Variants in GFOD1 observed in about 807,000 individuals in gnomAD.
GFOD1 encodes glucose-fructose oxidoreductase domain-containing protein 1.
GFOD1 carries 9 observed loss-of-function variants against 25.4 expected under a neutral mutation model. The ratio of observed to expected loss-of-function variants is 0.35; its 90% CI spans 0.21 to 0.62. The LOEUF (loss-of-function observed/expected upper bound fraction) is 0.62. GFOD1 is among the 20% of genes least tolerant of loss of function. The pLI is 0.72. For missense variants in GFOD1, 403 were observed against 556.9 expected (o/e 0.72, Z 2.78); for synonymous variants, 253 against 245.6 (o/e 1.03, Z -0.28).
chr6:13,483,909 A>C (rs1360368053), intron 1 of GFOD1, among the ~76,000 whole-genome samples: 1 of 152,194 alleles, frequency 6.6e-6, no homozygotes, highest in Non-Finnish European at 1.5e-5. Flanking sequence ...TATTTTAGTC[A>C]TGAAATGAAA....
Position 13,365,656 on chromosome 6 carries a change from C to A in GFOD1, c.260G>T (p.Gly87Val). ...CGTGCGGTCGCAGATGACGTTCTTG[C>A]CGATGCCTGCGGGTGGGAGGAAGAC... ...RQIAVKTLGI[G>V]KNVICDRTAT... The change falls in exon 2 of 2, where the codon GGC becomes GTC. Residue 87 changes from glycine (G) to valine (V), a missense_variant. Transcript: ENST00000379287. The surrounding 1 kb of genome is among the most constrained non-coding windows in gnomAD (Gnocchi z 9.2). 6.3e-7 allele frequency: 1 copy of A among 1,592,556 alleles called. No individual in the cohort carries two copies. Among genetic ancestry groups the A allele is most frequent in the Non-Finnish European group, 8.5e-7 (1 of 1,174,674 alleles).
intron 1 of GFOD1, among the ~76,000 whole-genome samples, chr6:13,465,458 A>G (rs931775470): frequency 2.0e-5 from 3 of 152,228 alleles, no homozygotes; most frequent in Non-Finnish European, 4.4e-5. Flanking sequence ...CCAGACCTAC[A>G]GAATCAGAAT....
intron 1 of GFOD1, among the ~76,000 whole-genome samples, chr6:13,409,995 C>A (rs1226981368): frequency 2.4e-4 from 33 of 135,360 alleles, no homozygotes; most frequent in African/African-American, 8.4e-4. Context: ...TAAAATGATA[C>A]GGATTTTTAG....
intron 1 of GFOD1, among the ~76,000 whole-genome samples, chr6:13,459,342 A>T (rs1758249916): frequency 6.6e-6 from 1 of 151,444 alleles, no homozygotes; most frequent in South Asian, 2.1e-4. Context: ...CTTACACCTT[A>T]TACAAAAATT....
In GFOD1 at chr6:13,365,327, C is replaced by T. The variant is rs1785021121; in HGVS notation, c.589G>A (p.Gly197Arg). 6.2e-7 allele frequency: 1 copy of T among 1,614,086 alleles called. No individual in the cohort carries two copies. The highest frequency in any genetic ancestry group is 1.3e-5 in the African/African-American group (1 of 74,940). Reference protein sequence around the residue: ...LTGQKAVKVHGLLKTFVKQTD... With the variant: ...LTGQKAVKVHRLLKTFVKQTD... ...TGCTTCACGAAGGTCTTGAGCAGCC[C>T]GTGGACCTTGACGGCCTTTTGGCCG... The change falls in exon 2 of 2, where the codon GGG (glycine) becomes AGG (arginine). Residue 197 changes from glycine to arginine, a missense_variant. Physicochemically the swap from Gly to Arg is moderately radical, Grantham distance 125. Coordinates refer to ENST00000379287, the MANE Select transcript of GFOD1 (RefSeq NM_018988.4). This position sits in a 1 kb window ranked among gnomAD's most constrained non-coding sequence, Gnocchi z 9.2.
At chr6:13,475,787 G>A (rs938247322) in intron 1 of GFOD1, among the ~76,000 whole-genome samples, 3 of 150,750 alleles carry the variant, frequency 2.0e-5, no homozygotes, top group Admixed American at 2.0e-4. Context: ...AGCCAGGCAT[G>A]GTGGCGCACA....
At chr6:13,382,129 G>A (rs1239799022) in intron 1 of GFOD1, among the ~76,000 whole-genome samples, 1 of 152,078 alleles carries the variant, frequency 6.6e-6, no homozygotes, top group African/African-American at 2.4e-5. Context: ...GTTGAGCCAG[G>A]ATCCAAACCC....
chr6:13,458,211 C>G (rs12662911), intron 1 of GFOD1, among the ~76,000 whole-genome samples: 24,712 of 151,886 alleles, frequency 0.16, 2,173 homozygotes, highest in South Asian at 0.26. Context: ...TCTGCCTCCT[C>G]GGTTCAAGTG....
At chr6:13,486,185 T>C in intron 1 of GFOD1, 1 of 991,884 alleles carries the variant, frequency 1.0e-6, no homozygotes, top group Non-Finnish European at 1.2e-6. Context: ...TATTCAGGCG[T>C]TTCTGGGCGC....
At chr6:13,468,519 C>T (rs1758416979) in intron 1 of GFOD1, among the ~76,000 whole-genome samples, 1 of 152,186 alleles carries the variant, frequency 6.6e-6, no homozygotes, top group African/African-American at 2.4e-5. Context: ...AAGAAGTCAA[C>T]CGCCTCGTTT....
At chr6:13,398,412 T>C (rs1412351933) in intron 1 of GFOD1, among the ~76,000 whole-genome samples, 1 of 152,212 alleles carries the variant, frequency 6.6e-6, no homozygotes, top group East Asian at 1.9e-4. Context: ...TGATTGGTGG[T>C]GATTTGAGTG....
At chr6:13,434,855 G>C (rs1757809405) in intron 1 of GFOD1, among the ~76,000 whole-genome samples, 1 of 152,206 alleles carries the variant, frequency 6.6e-6, no homozygotes, top group African/African-American at 2.4e-5. Context: ...AACGTGGTTG[G>C]AAAAATCAGA....
chr6:13,392,328 A>G (rs1365863033), intron 1 of GFOD1, among the ~76,000 whole-genome samples: 1 of 149,294 alleles, frequency 6.7e-6, no homozygotes, highest in Non-Finnish European at 1.5e-5. Context: ...TGGGTGACAA[A>G]GCCAGACCCT....
chr6:13,397,762 C>T (rs1333085565), intron 1 of GFOD1, among the ~76,000 whole-genome samples: 2 of 152,164 alleles, frequency 1.3e-5, no homozygotes, highest in Non-Finnish European at 2.9e-5. Flanking sequence ...AACACACAGC[C>T]CACGTGGCAT....
At chr6:13,455,045 T>TAAGCA (rs1758164332) in intron 1 of GFOD1, among the ~76,000 whole-genome samples, 1 of 152,176 alleles carries the variant, frequency 6.6e-6, no homozygotes, top group Non-Finnish European at 1.5e-5. Flanking sequence ...AGTTTAGGGT[T>TAAGCA]TCGTCATCTG....
chr6:13,412,434 A>T (rs564615554), intron 1 of GFOD1, among the ~76,000 whole-genome samples: 1 of 152,284 alleles, frequency 6.6e-6, no homozygotes, highest in African/African-American at 2.4e-5. Context: ...AGCCTCCAAA[A>T]CTATGAGAAG....
intron 1 of GFOD1, among the ~76,000 whole-genome samples, chr6:13,458,162 G>A (rs1758224585): frequency 6.6e-6 from 1 of 152,100 alleles, no homozygotes; most frequent in Non-Finnish European, 1.5e-5. Flanking sequence ...CTGTTGCCCA[G>A]GCTGGAGTGC....
chr6:13,410,009 T>TTG lies in GFOD1; in HGVS notation c.254-44348_254-44347insCA, dbSNP rs970983932. 2.1e-3 allele frequency among the ~76,000 whole-genome samples: 316 copies of TTG among 148,906 alleles called. 1 individual carries two copies. Among genetic ancestry groups the TTG allele is most frequent in the Non-Finnish European group, 3.1e-3 (209 of 66,986 alleles). On this transcript the variant is annotated intron_variant, in intron 1 of 1. Coordinates refer to ENST00000379287, the MANE Select transcript of GFOD1 (RefSeq NM_018988.4). ...CTAAAATGATACGGATTTTTAGTTT[T>TTG]TTTTTTTTTTTTTTTTAGATTGGCA... is the stretch of plus-strand genomic sequence containing the variant.
At chr6:13,410,577 G>GGA (rs10530261) in intron 1 of GFOD1, among the ~76,000 whole-genome samples, 10,326 of 127,432 alleles carry the variant, frequency 0.081, 777 homozygotes, top group African/African-American at 0.18. Flanking sequence ...AAGAAAGAAA[G>GGA]GAGAGAGAGA....
Sources: gnomAD v4.1 joint callset for allele counts (sites outside exome capture counted in the v4.1 genomes callset) on GRCh38, gnomAD v4.1.1 for gene constraint, Gnocchi (gnomAD v3.1) non-coding constraint, MANE v1.5 for transcripts, NCBI Gene and HGNC (gene_info 2026-07-23, HGNC 2026-07-21) for gene names.